Variants in SPAG16 observed in about 807,000 individuals in gnomAD.
SPAG16 encodes sperm-associated antigen 16 protein.
In SPAG16, 86 loss-of-function variants were observed where a neutral mutation model predicts 80.4. The observed-to-expected ratio is 1.07, with a 90% CI of 0.90 to 1.28. The LOEUF is 1.28. Ranked by LOEUF, SPAG16 falls within the 50% of genes most tolerant of loss-of-function variation. The probability of loss-of-function intolerance (pLI) is 0.00; values close to 1 mark genes in which losing one functional copy is unlikely to be tolerated. For missense variants in SPAG16, 870 were observed against 765.3 expected (o/e 1.14, Z -1.61); for synonymous variants, 294 against 265.9 (o/e 1.11, Z -1.03).
At chr2:213,772,681 T>A (rs2069322959) in intron 10 of SPAG16, among the ~76,000 whole-genome samples, 1 of 152,156 alleles carries the variant, frequency 6.6e-6, no homozygotes, top group South Asian at 2.1e-4. Flanking sequence ...GTAGATTAAT[T>A]CTCCTAAATT....
chr2:213,761,130 A>T (rs1313839252), intron 10 of SPAG16, among the ~76,000 whole-genome samples: 1 of 152,260 alleles, frequency 6.6e-6, no homozygotes, highest in Non-Finnish European at 1.5e-5. Flanking sequence ...ATAAAACCAG[A>T]AAAAGTTACA....
intron 15 of SPAG16, among the ~76,000 whole-genome samples, chr2:214,359,727 C>G (rs1422711718): frequency 6.6e-6 from 1 of 151,240 alleles, no homozygotes; most frequent in East Asian, 1.9e-4. Context: ...ATCTCAATGC[C>G]CTATATATCA....
At chr2:214,183,662 A>G (rs1576441961) in intron 15 of SPAG16, among the ~76,000 whole-genome samples, 2 of 152,136 alleles carry the variant, frequency 1.3e-5, no homozygotes, top group Admixed American at 1.3e-4. Flanking sequence ...AGGGTGCTGG[A>G]GATAGGTCAG....
intron 15 of SPAG16, among the ~76,000 whole-genome samples, chr2:214,379,535 G>GGCTT (rs1347775869): frequency 1.3e-5 from 2 of 152,152 alleles, no homozygotes; most frequent in Non-Finnish European, 2.9e-5. Context: ...TGTGACTTAA[G>GGCTT]GCTTATTCCA....
intron 10 of SPAG16, among the ~76,000 whole-genome samples, chr2:213,733,955 A>G (rs1180054632): frequency 6.6e-6 from 1 of 152,088 alleles, no homozygotes; most frequent in Non-Finnish European, 1.5e-5. Flanking sequence ...TTTTTTGGAA[A>G]TGAGTTTCTA....
At chr2:213,287,333 T>C (rs991648821) in intron 1 of SPAG16, among the ~76,000 whole-genome samples, 2 of 152,166 alleles carry the variant, frequency 1.3e-5, no homozygotes, top group African/African-American at 4.8e-5. Context: ...TCAACTGTAG[T>C]AGTGAGGAAG....
chr2:213,699,682 A>G (rs1211242168), intron 10 of SPAG16, among the ~76,000 whole-genome samples: 1 of 152,220 alleles, frequency 6.6e-6, no homozygotes, highest in African/African-American at 2.4e-5. Context: ...AATGTTTCAT[A>G]CCAAAATAGC....
chr2:213,560,053 G>T (rs2059555617), intron 10 of SPAG16, among the ~76,000 whole-genome samples: 1 of 151,838 alleles, frequency 6.6e-6, no homozygotes, highest in South Asian at 2.1e-4. Context: ...CTCATATATT[G>T]TTTATATATT....
At chr2:213,555,817 A>C (rs1370938778) in intron 10 of SPAG16, among the ~76,000 whole-genome samples, 1 of 152,222 alleles carries the variant, frequency 6.6e-6, no homozygotes, top group Non-Finnish European at 1.5e-5. Context: ...CTAATAATGT[A>C]ATAATACTGT....
At chr2:213,589,921 CAA>C (rs35341781) in intron 10 of SPAG16, among the ~76,000 whole-genome samples, 547 of 138,696 alleles carry the variant, frequency 3.9e-3, no homozygotes, top group Middle Eastern at 0.011. Flanking sequence ...AACTCCATCT[CAA>C]AAAAAAAAAA....
At chr2:213,750,520 T>C (rs1300744939) in intron 10 of SPAG16, among the ~76,000 whole-genome samples, 1 of 152,228 alleles carries the variant, frequency 6.6e-6, no homozygotes, top group Non-Finnish European at 1.5e-5. Context: ...TTTACAAGTA[T>C]TGTATTCTCT....
At chr2:213,571,331 C>A (rs2059904526) in intron 10 of SPAG16, among the ~76,000 whole-genome samples, 1 of 6,416 alleles carries the variant, frequency 1.6e-4, no homozygotes, top group Non-Finnish European at 2.5e-4. Context: ...TCTTCCTAGT[C>A]TCGATGGTCT....
At chr2:213,391,365 A>AT (rs1192051016) in intron 9 of SPAG16, among the ~76,000 whole-genome samples, 2 of 152,154 alleles carry the variant, frequency 1.3e-5, no homozygotes, top group Non-Finnish European at 2.9e-5. Flanking sequence ...ATCATAATCA[A>AT]TTTTTTGTTT....
intron 12 of SPAG16, among the ~76,000 whole-genome samples, chr2:213,984,982 T>C (rs2045934550): frequency 1.3e-5 from 2 of 152,114 alleles, no homozygotes; most frequent in Non-Finnish European, 1.5e-5. Flanking sequence ...TACCTTCCAA[T>C]ACCTTTTTTT....
intron 15 of SPAG16, among the ~76,000 whole-genome samples, chr2:214,171,206 C>G (rs552539422): frequency 8.6e-5 from 13 of 151,978 alleles, no homozygotes; most frequent in Admixed American, 4.6e-4. Context: ...TTCTGAGGTA[C>G]AGGTCTGGCC....
At chr2:213,601,965 A>C (rs1387387816) in intron 10 of SPAG16, among the ~76,000 whole-genome samples, 2 of 152,226 alleles carry the variant, frequency 1.3e-5, no homozygotes, top group African/African-American at 2.4e-5. Flanking sequence ...CATTGGTTAG[A>C]GTCTCATAAG....
chr2:213,627,171 G>A (rs951940040), intron 10 of SPAG16, among the ~76,000 whole-genome samples: 1 of 152,078 alleles, frequency 6.6e-6, no homozygotes, highest in Non-Finnish European at 1.5e-5. Context: ...TATGAGACAA[G>A]ATAGGATAGA....
At position 214,278,240 on chromosome 2, in the gene SPAG16, G is replaced by C. The variant is rs528872153; in HGVS notation, c.1720+128974G>C. On this transcript the variant is annotated intron_variant, in intron 15 of 15. Coordinates refer to ENST00000331683, the MANE Select transcript of SPAG16 (RefSeq NM_024532.5). ...GTCTGTCATGGCTTACCTTGGCTAG[G>C]AAAGGGAAATCTCCCAACCCCTGGC... is the stretch of plus-strand genomic sequence containing the variant. 3.3e-5 allele frequency among the ~76,000 whole-genome samples: 5 copies of C among 152,320 alleles called. No homozygotes were observed. The South Asian group carries it at 1.0e-3, about 32-fold the overall frequency.
At chr2:213,828,018 G>T (rs1272430646) in intron 10 of SPAG16, among the ~76,000 whole-genome samples, 1 of 152,146 alleles carries the variant, frequency 6.6e-6, no homozygotes, top group East Asian at 1.9e-4. Flanking sequence ...CCTTGGTGTT[G>T]TATAACTTTC....
Sources: gnomAD v4.1 joint callset for allele counts (sites outside exome capture counted in the v4.1 genomes callset) on GRCh38, gnomAD v4.1.1 for gene constraint, MANE v1.5 for transcripts, NCBI Gene and HGNC (gene_info 2026-07-23, HGNC 2026-07-21) for gene names.